Variants in SMARCA2 observed in about 807,000 individuals in gnomAD.
The protein encoded by SMARCA2 is SWI/SNF-related matrix-associated actin-dependent regulator of chromatin subfamily A member 2.
A neutral mutation model predicts 199.8 loss-of-function variants in SMARCA2; 61 were observed. The observed-to-expected ratio is 0.31, with a 90% confidence interval of 0.25 to 0.38. The LOEUF is 0.38. SMARCA2 is among the 10% of genes least tolerant of loss of function. The pLI is 1.00. For missense variants in SMARCA2, 1,344 were observed against 2,012.2 expected (o/e 0.67, Z 6.35); for synonymous variants, 935 against 732.0 (o/e 1.28, Z -4.48).
chr9:2,131,674 T>C (rs958291709), intron 27 of SMARCA2, among the ~76,000 whole-genome samples: 20 of 152,128 alleles, frequency 1.3e-4, no homozygotes, highest in African/African-American at 4.8e-4. Context: ...TCCCAAAGTT[T>C]AACAAAGTAG....
chr9:2,042,492 G>A (rs575322360), intron 4 of SMARCA2: 2 of 152,302 alleles, frequency 1.3e-5, no homozygotes, highest in African/African-American at 4.8e-5. Flanking sequence ...TGATTTGTTT[G>A]AGAAACCTTT....
rs777886336 is a variant in SMARCA2, at chr9:2,119,965, A to G, written c.3762+430A>G. On this transcript the variant is annotated intron_variant, in intron 26 of 33. Transcript: ENST00000349721. This position sits in a 1 kb window ranked among gnomAD's most constrained non-coding sequence, Gnocchi z 4.6. ...CATTCAGGAAGCCTACCTGGCTCCT[A>G]TAGGCATTGGAACTTACAACAGTGC... Among the ~76,000 whole-genome samples the G allele has an allele frequency of 1.3e-5, 2 of 152,212 alleles. No individual in the cohort carries two copies. Among genetic ancestry groups the G allele is most frequent in the Non-Finnish European group, 2.9e-5 (2 of 68,026 alleles).
intron 1 of SMARCA2, among the ~76,000 whole-genome samples, chr9:2,025,231 T>G (rs1015370920): frequency 2.6e-5 from 4 of 152,080 alleles, no homozygotes; most frequent in Non-Finnish European, 5.9e-5. Flanking sequence ...CAGAGTATAC[T>G]GCTGAGAAAT....
At chr9:2,168,850 G>A (rs1826077380) in intron 28 of SMARCA2, among the ~76,000 whole-genome samples, 1 of 152,034 alleles carries the variant, frequency 6.6e-6, no homozygotes, top group African/African-American at 2.4e-5. Flanking sequence ...ATCTTTGGTT[G>A]TTCAGAACCC....
At chr9:2,124,030 G>C (rs1218729164) in intron 27 of SMARCA2, 93 bp downstream of exon 27, 20 of 968,180 alleles carry the variant, frequency 2.1e-5, no homozygotes, top group Non-Finnish European at 3.2e-5. Flanking sequence ...TTTCTGAGGA[G>C]GTTGAGTTCG....
chr9:2,107,355 C>G (rs1822801157), intron 23 of SMARCA2, among the ~76,000 whole-genome samples: 1 of 152,172 alleles, frequency 6.6e-6, no homozygotes, highest in South Asian at 2.1e-4. Context: ...GAGACGGAGT[C>G]TCGCTCTGTC....
intron 27 of SMARCA2, among the ~76,000 whole-genome samples, chr9:2,155,995 A>G (rs898180080): frequency 8.5e-5 from 13 of 152,132 alleles, no homozygotes; most frequent in African/African-American, 3.1e-4. Flanking sequence ...GAAAAAAACT[A>G]TATCCAAAAA....
At chr9:2,076,389 T>C in intron 13 of SMARCA2, 60 bp downstream of exon 13, 1 of 1,113,720 alleles carries the variant, frequency 9.0e-7, no homozygotes, top group Non-Finnish European at 1.4e-6. Flanking sequence ...TAATGAATTT[T>C]CTTTTAGGAA....
chr9:2,117,182 G>T (rs796123003), intron 25 of SMARCA2, among the ~76,000 whole-genome samples: 5 of 150,004 alleles, frequency 3.3e-5, no homozygotes, highest in African/African-American at 1.2e-4. Flanking sequence ...GCCAGAGACT[G>T]TCTGTATATT....
At chr9:2,078,769 C>T (rs974779146) in intron 14 of SMARCA2, among the ~76,000 whole-genome samples, 1 of 151,918 alleles carries the variant, frequency 6.6e-6, no homozygotes, top group African/African-American at 2.4e-5. Context: ...ACAGTGAAAC[C>T]CTGTCTCTAC....
At chr9:2,151,301 G>C (rs1263719106) in intron 27 of SMARCA2, among the ~76,000 whole-genome samples, 1 of 151,470 alleles carries the variant, frequency 6.6e-6, no homozygotes, top group Non-Finnish European at 1.5e-5. Flanking sequence ...AGAGGGAATT[G>C]GCCACCAAAG....
In SMARCA2 at chr9:2,153,829, A is replaced by T. The variant is rs146591212; in HGVS notation, c.3982-7857A>T. On this transcript the variant is annotated intron_variant, in intron 27 of 33. Coordinates refer to ENST00000349721, the MANE Select transcript of SMARCA2 (RefSeq NM_003070.5). ...GCAAAGCTGTGTGTGTGTGTGTGTG[A>T]GAGAGAGAGATCTTTGCTGGAAGTG... Among the ~76,000 whole-genome samples the T allele has an allele frequency of 5.4e-3, 813 of 151,310 alleles. 14 individuals carry two copies. The highest frequency in any genetic ancestry group is 0.017 in the African/African-American group (719 of 41,378).
chr9:2,065,157 C>T (rs1412508818), intron 9 of SMARCA2, among the ~76,000 whole-genome samples: 1 of 152,142 alleles, frequency 6.6e-6, no homozygotes, highest in African/African-American at 2.4e-5. Context: ...TGCACTCCAG[C>T]CTGGGCGACA....
intron 14 of SMARCA2, among the ~76,000 whole-genome samples, chr9:2,081,424 A>G (rs1821562760): frequency 6.6e-6 from 1 of 152,322 alleles, no homozygotes; most frequent in South Asian, 2.1e-4. Flanking sequence ...GACCTCACCC[A>G]TATTACCGAA....
chr9:2,022,130 A>G (rs903472323), intron 1 of SMARCA2: 8 of 152,216 alleles, frequency 5.3e-5, no homozygotes, highest in African/African-American at 1.9e-4. Flanking sequence ...TAAAGCATGA[A>G]TATTTTATCC....
intron 27 of SMARCA2, among the ~76,000 whole-genome samples, chr9:2,151,919 C>T (rs1218006140): frequency 6.6e-6 from 1 of 151,968 alleles, no homozygotes; most frequent in East Asian, 1.9e-4. Context: ...TTTTAAAAAT[C>T]CTGCTTAGTT....
At chr9:2,172,578 T>C (rs775037997) in intron 29 of SMARCA2, among the ~76,000 whole-genome samples, 23 of 152,148 alleles carry the variant, frequency 1.5e-4, no homozygotes, top group Non-Finnish European at 3.2e-4. Context: ...ACAGCCTGGA[T>C]GAGGCTGGAG....
At chr9:2,182,388 G>T in intron 31 of SMARCA2, 146 bp downstream of exon 31, 2 of 515,484 alleles carry the variant, frequency 3.9e-6, no homozygotes, top group Non-Finnish European at 3.5e-6. Context: ...TGCTACCTGT[G>T]TAAGAAAATA....
At chr9:2,167,372 C>A (rs1339602305) in intron 28 of SMARCA2, among the ~76,000 whole-genome samples, 1 of 152,250 alleles carries the variant, frequency 6.6e-6, no homozygotes, top group African/African-American at 2.4e-5. Flanking sequence ...TCCTCCCTCT[C>A]TATCAATTGC....
Sources: gnomAD v4.1 joint callset for allele counts (sites outside exome capture counted in the v4.1 genomes callset) on GRCh38, gnomAD v4.1.1 for gene constraint, Gnocchi (gnomAD v3.1) non-coding constraint, MANE v1.5 for transcripts, NCBI Gene and HGNC (gene_info 2026-07-23, HGNC 2026-07-21) for gene names.